The following SYNE1 variants were observed in gnomAD, a reference collection of about 807,000 sequenced individuals.
The protein encoded by SYNE1 is spectrin repeat containing nuclear envelope protein 1.
In SYNE1, 616 loss-of-function variants were observed where a neutral mutation model predicts 1,111.0. The observed-to-expected ratio is 0.55, with a 90% CI of 0.52 to 0.59. The LOEUF (loss-of-function observed/expected upper bound fraction) is 0.59. Among genes scored for constraint, SYNE1 ranks in the 20% least tolerant of loss-of-function variants. The pLI is 0.00. For synonymous variants in SYNE1, 3,855 were observed against 3,825.8 expected (o/e 1.01, Z -0.28); for missense variants, 10,006 against 10,417.0 (o/e 0.96, Z 1.72).
At position 152,234,792 on chromosome 6, in the gene SYNE1, C is replaced by G; in HGVS notation, c.20405G>C (p.Ser6802Thr). 6.2e-7 allele frequency: 1 copy of G among 1,614,172 alleles called. No individual in the cohort carries two copies. Among genetic ancestry groups the G allele is most frequent in the Non-Finnish European group, 8.5e-7 (1 of 1,180,010 alleles). The change falls in exon 111 of 146, where the codon AGT becomes ACT. Residue 6802 changes from serine (S) to threonine (T), a missense_variant. Transcript: ENST00000367255. ...CCAGTGAATTAGATCTGCAGATTCA[C>G]TTTGATATCTGTTAAGTATATTATG... ...TILKHWTRYQ[S>T]ESADLIHWLQ...
intron 101 of SYNE1, among the ~76,000 whole-genome samples, chr6:152,260,236 C>T (rs896264125): frequency 6.6e-6 from 1 of 152,190 alleles, no homozygotes; most frequent in Non-Finnish European, 1.5e-5. Context: ...CATACCTCTC[C>T]TATTCAAAGG....
intron 32 of SYNE1, among the ~76,000 whole-genome samples, chr6:152,440,082 C>T (rs1303307483): frequency 6.6e-6 from 1 of 152,176 alleles, no homozygotes; most frequent in Non-Finnish European, 1.5e-5. Context: ...TCGTCACTCA[C>T]TCTGTCTGGT....
chr6:152,585,142 G>A (rs779036518), intron 3 of SYNE1, among the ~76,000 whole-genome samples: 2 of 152,142 alleles, frequency 1.3e-5, no homozygotes, highest in Admixed American at 6.5e-5. Context: ...CCTATTGCTC[G>A]GCAGTTCTTT....
At chr6:152,243,004 G>A (rs899599332) in intron 106 of SYNE1, among the ~76,000 whole-genome samples, 1 of 152,078 alleles carries the variant, frequency 6.6e-6, no homozygotes. Context: ...ATAAAGATAT[G>A]TCTATAAAAA....
intron 85 of SYNE1, 65 bp downstream of exon 85, chr6:152,318,798 A>G: frequency 1.3e-6 from 2 of 1,594,292 alleles, no homozygotes; most frequent in Non-Finnish European, 8.6e-7. Context: ...TATATCCCCA[A>G]GTAAAACTGA....
intron 7 of SYNE1, 83 bp from the exon 8 acceptor site, chr6:152,510,454 A>G: frequency 6.7e-7 from 1 of 1,483,634 alleles, no homozygotes; most frequent in Non-Finnish European, 9.2e-7. Context: ...TCCAGCAACA[A>G]ATGAGTTATG....
At chr6:152,468,036 C>T (rs1420515223) in intron 16 of SYNE1, among the ~76,000 whole-genome samples, 1 of 151,892 alleles carries the variant, frequency 6.6e-6, no homozygotes, top group Non-Finnish European at 1.5e-5. Context: ...AACTTGGATC[C>T]CAAGTTCAAC....
intron 137 of SYNE1, chr6:152,146,923 G>A (rs2059609080): frequency 6.6e-6 from 1 of 152,284 alleles, no homozygotes; most frequent in Admixed American, 6.6e-5. Flanking sequence ...CTGCATTTCT[G>A]GCTTCTGCAC....
At chr6:152,140,813 C>T (rs1018202784) in intron 139 of SYNE1, among the ~76,000 whole-genome samples, 1 of 151,772 alleles carries the variant, frequency 6.6e-6, no homozygotes, top group African/African-American at 2.4e-5. Context: ...GCGGGTGGAT[C>T]ACGAGGTCAG....
intron 11 of SYNE1, among the ~76,000 whole-genome samples, chr6:152,496,407 TCTAA>T (rs2098999626): frequency 1.3e-5 from 2 of 152,212 alleles, no homozygotes. Flanking sequence ...TTGGGCACTC[TCTAA>T]CTGGATGTCC....
chr6:152,264,394 A>C (rs912572266), intron 100 of SYNE1, among the ~76,000 whole-genome samples: 1 of 151,988 alleles, frequency 6.6e-6, no homozygotes, highest in African/African-American at 2.4e-5. Context: ...AAAGAATAAC[A>C]AGTGTGTTGG....
intron 3 of SYNE1, among the ~76,000 whole-genome samples, chr6:152,542,349 T>C (rs2099275306): frequency 6.6e-6 from 1 of 152,208 alleles, no homozygotes; most frequent in Admixed American, 6.5e-5. Flanking sequence ...CCATGACCTC[T>C]AATATATTTT....
intron 12 of SYNE1, among the ~76,000 whole-genome samples, chr6:152,487,663 T>TG (rs1323296232): frequency 6.6e-5 from 10 of 152,324 alleles, no homozygotes; most frequent in Non-Finnish European, 1.2e-4. Context: ...ATCCCTTTAA[T>TG]GGACCCTCCA....
intron 6 of SYNE1, among the ~76,000 whole-genome samples, chr6:152,512,385 A>C (rs1432067934): frequency 2.0e-5 from 3 of 152,172 alleles, no homozygotes; most frequent in African/African-American, 7.2e-5. Flanking sequence ...AAAGAACATC[A>C]ATTTTTTTAA....
rs2098390444 is a variant in SYNE1 at position 152,428,258 on chromosome 6, C to G, written c.4923G>C (p.Arg1641Ser). 1 of 1,614,000 alleles carries G rather than the reference C, an allele frequency of 6.2e-7. No individual in the cohort carries two copies. Among genetic ancestry groups the G allele is most frequent in the Non-Finnish European group, 8.5e-7 (1 of 1,180,028 alleles). Residue 1641 changes from arginine to serine, a missense_variant, in exon 37 of 146, where the codon AGG becomes AGC. Coordinates refer to ENST00000367255, the MANE Select transcript of SYNE1 (RefSeq NM_182961.4). ...GCGCCGTCTGTCTCTCCTTCGCCCT[C>G]CTTAGGATGTCCTCGTATTGCTGCT... ...ALQQQYEDIL[R>S]RAKERQTALE...
rs1554471098 is a variant in SYNE1 at position 152,331,083 on chromosome 6, C to T, written c.13602G>A (p.Gly4534=). 1.9e-6 allele frequency: 3 copies of T among 1,614,158 alleles called. No individual in the cohort carries two copies. The highest frequency in any genetic ancestry group is 2.5e-6 in the Non-Finnish European group (3 of 1,180,024). Residue 4534 remains glycine (G), a synonymous_variant, in exon 78 of 146, where the codon GGG becomes GGA. Coordinates refer to ENST00000367255, the MANE Select transcript of SYNE1 (RefSeq NM_182961.4). ...VTEQEKSEVL[G]KLQELQSVYD... is the part of the protein sequence containing the mutation. ...AGACACTCTGCAATTCCTGAAGCTT[C>T]CCCAGCACTTCACTCTTTTCCTGCT...
intron 98 of SYNE1, among the ~76,000 whole-genome samples, chr6:152,272,338 C>T (rs1027558841): frequency 8.5e-5 from 13 of 152,284 alleles, no homozygotes; most frequent in South Asian, 2.1e-4. Context: ...AGAGGTTAGG[C>T]GGTTTCTGTC....
chr6:152,134,474 G>C (rs982399290), intron 142 of SYNE1: 1 of 152,940 alleles, frequency 6.5e-6, no homozygotes, highest in African/African-American at 2.4e-5. Context: ...TTCGAGACCA[G>C]CCTGGCCAAC....
At chr6:152,160,961 CAT>C (rs779004845) in intron 131 of SYNE1, among the ~76,000 whole-genome samples, 16 of 151,766 alleles carry the variant, frequency 1.1e-4, no homozygotes, top group Admixed American at 7.2e-4. Context: ...TATACACACA[CAT>C]ATGTGTAATG....
Sources: gnomAD v4.1 joint callset for allele counts (sites outside exome capture counted in the v4.1 genomes callset) on GRCh38, gnomAD v4.1.1 for gene constraint, MANE v1.5 for transcripts, NCBI Gene and HGNC (gene_info 2026-07-23, HGNC 2026-07-21) for gene names.